Variants in ADAM12 observed in about 807,000 individuals in gnomAD.
The protein encoded by ADAM12 is disintegrin and metalloproteinase domain-containing protein 12.
ADAM12 carries 70 observed loss-of-function variants against 106.4 expected under a neutral mutation model. The observed-to-expected ratio is 0.66, with a 90% CI of 0.54 to 0.80. The LOEUF (loss-of-function observed/expected upper bound fraction) is 0.80, where lower values mean the gene tolerates loss of function less well. Among genes scored for constraint, ADAM12 ranks in the 30% least tolerant of loss-of-function variants. The pLI is 0.00. For synonymous variants in ADAM12, 420 were observed against 433.5 expected (o/e 0.97, Z 0.39); for missense variants, 1,010 against 1,171.9 (o/e 0.86, Z 2.02).
At chr10:126,381,101 T>C (rs1391184832) in intron 1 of ADAM12, among the ~76,000 whole-genome samples, 3 of 152,238 alleles carry the variant, frequency 2.0e-5, no homozygotes, top group Non-Finnish European at 2.9e-5. Flanking sequence ...ATTAGGTATA[T>C]GTTGACTTTG....
intron 2 of ADAM12, among the ~76,000 whole-genome samples, chr10:126,302,035 A>T (rs1402251181): frequency 6.6e-6 from 1 of 152,332 alleles, no homozygotes; most frequent in African/African-American, 2.4e-5. Context: ...TCCTGGTCTT[A>T]TCTAAAATTT....
intron 5 of ADAM12, among the ~76,000 whole-genome samples, chr10:126,122,385 T>C (rs968324017): frequency 1.3e-5 from 2 of 152,168 alleles, no homozygotes; most frequent in African/African-American, 4.8e-5. Flanking sequence ...TGAAATAAAA[T>C]GTAGACTTCT....
intron 1 of ADAM12, among the ~76,000 whole-genome samples, chr10:126,365,488 C>G (rs1032484386): frequency 6.6e-6 from 1 of 152,064 alleles, no homozygotes; most frequent in African/African-American, 2.4e-5. Context: ...ATGCCCGAGA[C>G]TGGGTAATTT....
intron 8 of ADAM12, among the ~76,000 whole-genome samples, chr10:126,104,343 G>A (rs1399294142): frequency 2.0e-5 from 3 of 151,596 alleles, no homozygotes; most frequent in Non-Finnish European, 4.4e-5. Context: ...CTAGCTACTC[G>A]GGAAGCTGAG....
At chr10:126,160,860 G>A (rs557055150) in intron 3 of ADAM12, among the ~76,000 whole-genome samples, 5 of 152,328 alleles carry the variant, frequency 3.3e-5, no homozygotes, top group South Asian at 4.1e-4. Flanking sequence ...GTTGGTTCTA[G>A]AACATTCCAG....
intron 3 of ADAM12, among the ~76,000 whole-genome samples, chr10:126,190,272 G>A (rs1231771969): frequency 6.6e-6 from 1 of 151,350 alleles, no homozygotes; most frequent in African/African-American, 2.4e-5. Flanking sequence ...CATGATCTCA[G>A]CTCACTGCAA....
chr10:126,260,089 C>T (rs1472734799), intron 3 of ADAM12, among the ~76,000 whole-genome samples: 1 of 152,170 alleles, frequency 6.6e-6, no homozygotes, highest in African/African-American at 2.4e-5. Context: ...CCTACAAGGG[C>T]CCCAGCATTT....
chr10:126,200,157 C>T (rs1565133316), intron 3 of ADAM12, among the ~76,000 whole-genome samples: 1 of 152,060 alleles, frequency 6.6e-6, no homozygotes, highest in East Asian at 1.9e-4. Context: ...TGAGGTGGAA[C>T]AGGTGCAAGC....
intron 3 of ADAM12, among the ~76,000 whole-genome samples, chr10:126,174,815 TG>T (rs1957188220): frequency 6.6e-6 from 1 of 151,684 alleles, no homozygotes; most frequent in Non-Finnish European, 1.5e-5. Flanking sequence ...TGCAGTGGCT[TG>T]ATCTCGGCTC....
intron 3 of ADAM12, among the ~76,000 whole-genome samples, chr10:126,215,422 C>A (rs565598470): frequency 1.0e-3 from 157 of 152,268 alleles, no homozygotes; most frequent in Non-Finnish European, 1.9e-3. Flanking sequence ...GGCCACAGGA[C>A]AGGGCCTTCC....
chr10:126,349,326 CG>C lies in ADAM12; in HGVS notation c.89-18818del, dbSNP rs1410344742. ...CTGTCACCAAAGCACATGTTTGGCA[CG>C]GACTGAAAGCCAAAAGCAGTCTAAC... On this transcript the variant is annotated intron_variant, in intron 1 of 22. Coordinates refer to ENST00000448723, the MANE Select transcript of ADAM12 (RefSeq NM_001288973.2). Among the ~76,000 whole-genome samples the C allele has an allele frequency of 2.0e-5, 3 of 152,306 alleles. No homozygotes were observed. In the East Asian group the frequency reaches 5.8e-4, roughly 29 times the overall value.
intron 1 of ADAM12, among the ~76,000 whole-genome samples, chr10:126,359,576 C>T (rs1315082070): frequency 2.6e-5 from 4 of 152,232 alleles, no homozygotes; most frequent in Admixed American, 2.6e-4. Context: ...TCTCCTCTGA[C>T]TCCATGTCTC....
intron 3 of ADAM12, among the ~76,000 whole-genome samples, chr10:126,257,001 C>T (rs12359440): frequency 0.47 from 70,955 of 151,964 alleles, 17,026 homozygotes; most frequent in Non-Finnish European, 0.53. Flanking sequence ...TGACCATCCA[C>T]TCTTAGCAGT....
chr10:126,181,109 T>C (rs1335057564), intron 3 of ADAM12, among the ~76,000 whole-genome samples: 2 of 151,680 alleles, frequency 1.3e-5, no homozygotes, highest in Non-Finnish European at 2.9e-5. Context: ...TCTCCCTCTG[T>C]TGCCCAGGCT....
intron 1 of ADAM12, among the ~76,000 whole-genome samples, chr10:126,345,892 C>T (rs1223166938): frequency 3.9e-5 from 6 of 152,036 alleles, no homozygotes; most frequent in South Asian, 4.2e-4. Context: ...CTTTTTATTG[C>T]GTCTATTTGA....
At chr10:126,213,203 T>C (rs1002286260) in intron 3 of ADAM12, among the ~76,000 whole-genome samples, 3 of 152,218 alleles carry the variant, frequency 2.0e-5, no homozygotes, top group Non-Finnish European at 4.4e-5. Flanking sequence ...ATAGTAACCT[T>C]ATTTGTGTTC....
chr10:126,218,282 C>T (rs12413629), intron 3 of ADAM12, among the ~76,000 whole-genome samples: 2,531 of 152,210 alleles, frequency 0.017, 122 homozygotes, highest in East Asian at 0.12. Context: ...TAACTTGGGC[C>T]ATCACAGGTA....
chr10:126,078,850 A>G (rs1316220422), intron 11 of ADAM12, among the ~76,000 whole-genome samples: 2 of 152,136 alleles, frequency 1.3e-5, no homozygotes, highest in Non-Finnish European at 2.9e-5. Flanking sequence ...TTCCACGTTC[A>G]GGTACTAAAA....
intron 3 of ADAM12, among the ~76,000 whole-genome samples, chr10:126,245,361 G>T (rs928067933): frequency 6.6e-6 from 1 of 152,226 alleles, no homozygotes; most frequent in African/African-American, 2.4e-5. Context: ...AACCTAGATG[G>T]TGAAAGGAGA....
Sources: allele counts gnomAD v4.1 joint callset (sites outside exome capture counted in the v4.1 genomes callset), GRCh38; gene constraint gnomAD v4.1.1; transcripts MANE v1.5; gene names NCBI Gene and HGNC (gene_info 2026-07-23, HGNC 2026-07-21).